The following RAB31 variants were observed in gnomAD, a reference collection of about 807,000 sequenced individuals.
The protein encoded by RAB31 is ras-related protein Rab-31.
A neutral mutation model predicts 25.6 loss-of-function variants in RAB31; 21 were observed. The ratio of observed to expected loss-of-function variants is 0.82; its 90% CI spans 0.58 to 1.18. RAB31 has a LOEUF of 1.18. Ranked by LOEUF, RAB31 falls within the 50% of genes most tolerant of loss-of-function variation. RAB31 has a pLI of 0.00. For synonymous variants in RAB31, 87 were observed against 84.0 expected (o/e 1.04, Z -0.20); for missense variants, 196 against 250.1 (o/e 0.78, Z 1.46).
At chr18:9,816,827 T>C (rs994341879) in intron 5 of RAB31, among the ~76,000 whole-genome samples, 1 of 152,236 alleles carries the variant, frequency 6.6e-6, no homozygotes, top group Non-Finnish European at 1.5e-5. Flanking sequence ...ATTCTAGTCG[T>C]TGATTTTCAT....
chr18:9,788,962 C>T (rs1223050970), intron 2 of RAB31, among the ~76,000 whole-genome samples: 1 of 151,860 alleles, frequency 6.6e-6, no homozygotes, highest in Non-Finnish European at 1.5e-5. Flanking sequence ...AGAGTAAGAC[C>T]CCATCTCAAA....
rs1449448138 is a variant in RAB31 at position 9,815,114 on chromosome 18, A to G, written c.274-2A>G. The G allele has an allele frequency of 6.5e-7, 1 of 1,532,494 alleles. No individual in the cohort carries two copies. Among genetic ancestry groups the G allele is most frequent in the Non-Finnish European group, 8.9e-7 (1 of 1,129,082 alleles). The allele number at this position is 1,532,494 out of a possible 1,614,324, so 94.9% of individuals were successfully genotyped here. On this transcript the variant is annotated splice_acceptor_variant, in intron 4 of 6. Transcript: ENST00000578921. LOFTEE classifies it high-confidence loss of function. ...AATGATTTGTGTACACTGTTGGTTTAGGATTCATTTTATACCTTGAAGAAA... is the reference window on the plus strand; with the variant it reads ...AATGATTTGTGTACACTGTTGGTTTGGGATTCATTTTATACCTTGAAGAAA...
chr18:9,838,970 T>G (rs1317617859), intron 5 of RAB31, among the ~76,000 whole-genome samples: 1 of 152,180 alleles, frequency 6.6e-6, no homozygotes, highest in African/African-American at 2.4e-5. Context: ...GAAGGCAACT[T>G]GGGGTGATTT....
chr18:9,843,510 C>T (rs1174326973), intron 5 of RAB31, among the ~76,000 whole-genome samples: 1 of 140,012 alleles, frequency 7.1e-6, no homozygotes, highest in Non-Finnish European at 1.5e-5. Flanking sequence ...CATGCCACTG[C>T]ACTCCAGCCT....
chr18:9,735,555 G>A (rs546849600), intron 1 of RAB31: 3 of 193,826 alleles, frequency 1.5e-5, no homozygotes, highest in Middle Eastern at 1.7e-3. Context: ...CCATGGCCGT[G>A]GCTCGTGTGG....
chr18:9,751,618 T>C (rs1027228476), intron 1 of RAB31, among the ~76,000 whole-genome samples: 1 of 152,192 alleles, frequency 6.6e-6, no homozygotes, highest in Non-Finnish European at 1.5e-5. Context: ...CATCATTCTT[T>C]TGATGTATTG....
At chr18:9,719,932 G>A (rs2068065977) in intron 1 of RAB31, among the ~76,000 whole-genome samples, 5 of 151,974 alleles carry the variant, frequency 3.3e-5, no homozygotes, top group Admixed American at 2.0e-4. Context: ...GGGCACAGCA[G>A]GGTGCTGCCA....
intron 1 of RAB31, among the ~76,000 whole-genome samples, chr18:9,722,378 A>G (rs1209200900): frequency 6.6e-6 from 1 of 152,192 alleles, no homozygotes; most frequent in East Asian, 1.9e-4. Context: ...TTTTGAAGGT[A>G]GAGCTGACAA....
intron 1 of RAB31, among the ~76,000 whole-genome samples, chr18:9,764,928 G>A (rs1187369887): frequency 1.3e-5 from 2 of 151,904 alleles, no homozygotes; most frequent in East Asian, 1.9e-4. Context: ...CAGACCCAGT[G>A]CAGAACCCAC....
intron 1 of RAB31, among the ~76,000 whole-genome samples, chr18:9,763,638 A>G (rs913651393): frequency 6.7e-6 from 1 of 149,928 alleles, no homozygotes; most frequent in Non-Finnish European, 1.5e-5. Flanking sequence ...AAAAAGTTTA[A>G]CGTAGGCATA....
At chr18:9,848,638 G>A (rs1311186480) in intron 6 of RAB31, among the ~76,000 whole-genome samples, 1 of 152,122 alleles carries the variant, frequency 6.6e-6, no homozygotes, top group Non-Finnish European at 1.5e-5. Context: ...TCCTCCCTGA[G>A]CTTAAAATAG....
chr18:9,822,451 G>A (rs2068628739), intron 5 of RAB31, among the ~76,000 whole-genome samples: 1 of 152,104 alleles, frequency 6.6e-6, no homozygotes, highest in South Asian at 2.1e-4. Context: ...AGGAAATACT[G>A]ATAAATTAGA....
chr18:9,738,985 TACATTTGGTC>T, intron 1 of RAB31, among the ~76,000 whole-genome samples: 1 of 152,216 alleles, frequency 6.6e-6, no homozygotes. Context: ...AAACCTCCTG[TACATTTGGTC>T]ACAGAAGCAT....
At chr18:9,824,375 G>A (rs1355008519) in intron 5 of RAB31, among the ~76,000 whole-genome samples, 1 of 143,280 alleles carries the variant, frequency 7.0e-6, no homozygotes, top group Admixed American at 6.9e-5. Context: ...TGTGTGTGTA[G>A]ATGTGTATGT....
intron 1 of RAB31, among the ~76,000 whole-genome samples, chr18:9,759,632 C>T: frequency 6.6e-6 from 1 of 151,920 alleles, no homozygotes; most frequent in East Asian, 1.9e-4. Context: ...AGCCTCATCC[C>T]AGAGGTGTGG....
At chr18:9,786,539 C>A (rs2068434060) in intron 2 of RAB31, among the ~76,000 whole-genome samples, 1 of 152,120 alleles carries the variant, frequency 6.6e-6, no homozygotes, top group Non-Finnish European at 1.5e-5. Context: ...GGTACTGAGC[C>A]CTCAACCTGT....
chr18:9,719,309 A>G (rs2068061656), intron 1 of RAB31, among the ~76,000 whole-genome samples: 1 of 49,372 alleles, frequency 2.0e-5, no homozygotes, highest in South Asian at 8.2e-4. Flanking sequence ...ATATATATAT[A>G]TATATATATA....
At chr18:9,754,688 A>G (rs2068252149) in intron 1 of RAB31, among the ~76,000 whole-genome samples, 1 of 152,250 alleles carries the variant, frequency 6.6e-6, no homozygotes, top group African/African-American at 2.4e-5. Flanking sequence ...TTTAAAGTGT[A>G]CAGGAGGATG....
intron 3 of RAB31, among the ~76,000 whole-genome samples, chr18:9,801,783 G>C (rs1466363329): frequency 1.3e-5 from 2 of 152,176 alleles, no homozygotes; most frequent in African/African-American, 4.8e-5. Context: ...GTTTACTCCT[G>C]CATTTTCTTC....
Sources: gnomAD v4.1 joint callset for allele counts (sites outside exome capture counted in the v4.1 genomes callset) on GRCh38, gnomAD v4.1.1 for gene constraint, MANE v1.5 for transcripts, NCBI Gene and HGNC (gene_info 2026-07-23, HGNC 2026-07-21) for gene names.